The following COL5A1 variants were observed in gnomAD, a reference collection of about 807,000 sequenced individuals.
COL5A1 encodes the protein collagen type V alpha 1 chain, also known as collagen alpha-1(V) chain.
Under a neutral mutation model 263.7 loss-of-function variants are expected in COL5A1, and 16 were observed. That is an observed-to-expected ratio of 0.06 (90% CI 0.04 to 0.09). The LOEUF (loss-of-function observed/expected upper bound fraction) is 0.09. Ranked by LOEUF, COL5A1 falls within the 10% of genes least tolerant of loss-of-function variation. COL5A1 has a pLI of 1.00. For missense variants in COL5A1, 2,036 were observed against 2,540.5 expected, an observed-to-expected ratio of 0.80 and a Z score of 4.27; for synonymous variants, 1,012 against 1,004.5, an observed-to-expected ratio of 1.01 and a Z score of -0.14.
chr9:134,732,842 T>C (rs1398085382), intron 9 of COL5A1, among the ~76,000 whole-genome samples: 1 of 152,174 alleles, frequency 6.6e-6, no homozygotes, highest in African/African-American at 2.4e-5. Flanking sequence ...CCTTGTCCCA[T>C]AGGGGGCCAT....
At chr9:134,708,576 G>A (rs546908379) in intron 4 of COL5A1, 9 of 518,610 alleles carry the variant, frequency 1.7e-5, no homozygotes, top group Admixed American at 1.4e-4. Context: ...CACCTGTGTG[G>A]CAGCCCAGAC....
At chr9:134,808,593 A>G (rs561739197) in intron 42 of COL5A1, among the ~76,000 whole-genome samples, 1 of 151,104 alleles carries the variant, frequency 6.6e-6, no homozygotes, top group South Asian at 2.1e-4. Context: ...GCATATTCAC[A>G]CGTGTGCACA....
chr9:134,714,019 CAA>C (rs756162069), intron 4 of COL5A1, among the ~76,000 whole-genome samples: 2 of 152,218 alleles, frequency 1.3e-5, no homozygotes, highest in Non-Finnish European at 2.9e-5. Flanking sequence ...ACCTCCCAGG[CAA>C]AGTCTGTTGC....
intron 11 of COL5A1, among the ~76,000 whole-genome samples, chr9:134,744,778 T>C (rs1462683027): frequency 2.0e-5 from 3 of 147,616 alleles, no homozygotes; most frequent in South Asian, 2.2e-4. Flanking sequence ...CACTCATACA[T>C]GCACACACAT....
At chr9:134,722,284 T>C (rs1834491828) in intron 4 of COL5A1, among the ~76,000 whole-genome samples, 1 of 152,170 alleles carries the variant, frequency 6.6e-6, no homozygotes, top group Non-Finnish European at 1.5e-5. Flanking sequence ...GAGGGCCAGG[T>C]CAGCCTGGGA....
At chr9:134,782,767 C>A in intron 29 of COL5A1, 47 bp downstream of exon 29, 55 of 1,234,500 alleles carry the variant, frequency 4.5e-5, no homozygotes, top group Non-Finnish European at 6.3e-5. Context: ...GCTGGGTGGG[C>A]TTGGCCGTGT....
intron 4 of COL5A1, among the ~76,000 whole-genome samples, chr9:134,713,065 T>G (rs1322461970): frequency 6.6e-6 from 1 of 152,246 alleles, no homozygotes; most frequent in Non-Finnish European, 1.5e-5. Flanking sequence ...TCCATGCCTC[T>G]GGGAGGCTGT....
At chr9:134,828,082 T>C (rs1270344351) in intron 63 of COL5A1, among the ~76,000 whole-genome samples, 1 of 152,178 alleles carries the variant, frequency 6.6e-6, no homozygotes, top group Non-Finnish European at 1.5e-5. Context: ...CAGTCCAGGC[T>C]GGGGACAGGC....
chr9:134,769,910 A>C (rs531722141), intron 25 of COL5A1, among the ~76,000 whole-genome samples: 100 of 152,258 alleles, frequency 6.6e-4, no homozygotes, highest in African/African-American at 2.4e-3. Context: ...CAGCTGACCT[A>C]ACTTGTTCTC....
intron 18 of COL5A1, among the ~76,000 whole-genome samples, chr9:134,760,052 A>ACCCACCCACACACTCATACATG (rs1836260517): frequency 9.3e-6 from 1 of 107,552 alleles, no homozygotes; most frequent in African/African-American, 3.5e-5. Context: ...ATACACACCC[A>ACCCACCCACACACTCATACATG]CACACCCCCA....
At chr9:134,660,527 T>C (rs1030755058) in intron 1 of COL5A1, among the ~76,000 whole-genome samples, 7 of 152,196 alleles carry the variant, frequency 4.6e-5, no homozygotes, top group Non-Finnish European at 8.8e-5. Context: ...AAAGCCCTAG[T>C]TCATGCTCAT....
At chr9:134,819,142 G>A (rs1236477335) in intron 57 of COL5A1, 89 bp downstream of exon 57, 19 of 1,380,048 alleles carry the variant, frequency 1.4e-5, no homozygotes, top group South Asian at 3.5e-5. Flanking sequence ...CTCTTGATCC[G>A]TCACCTAAAT....
chr9:134,649,614 A>G (rs1831600040), intron 1 of COL5A1: 1 of 439,886 alleles, frequency 2.3e-6, no homozygotes, highest in South Asian at 1.7e-5. Flanking sequence ...AATGACATAA[A>G]AACAGTGTGG....
At position 134,803,147 on chromosome 9, in the gene COL5A1, C is replaced by T. The variant is rs953531116; in HGVS notation, c.3114+152C>T. ...CACTCCCCAGACCGCACGTTTTGCT[C>T]ACTTTTCCTTGATTCACTCCAGGAG... On this transcript the variant is annotated intron_variant, in intron 39 of 65. Transcript: ENST00000371817. 10 of 747,488 alleles carry T rather than the reference C, an allele frequency of 1.3e-5. No homozygotes were observed. The African/African-American group carries it at 1.7e-4, about 13-fold the overall frequency. 46.3% of individuals were successfully genotyped at this position (747,488 alleles called of 1,614,324 possible). A position where few individuals can be genotyped will look rare whatever the true frequency, so the allele number is the denominator to read the frequency against.
intron 1 of COL5A1, among the ~76,000 whole-genome samples, chr9:134,667,625 A>G (rs1222902441): frequency 6.6e-6 from 1 of 152,108 alleles, no homozygotes; most frequent in African/African-American, 2.4e-5. Flanking sequence ...ATCTCTTTCC[A>G]CATCACAGGT....
chr9:134,720,049 C>T lies in COL5A1; in HGVS notation c.655-7217C>T, dbSNP rs1477396200. ...GAGGTTCTTGGGGTCAAAGTCCACC[C>T]GTCTGAGAGGGCAGCTGCAGCTAAG... On this transcript the variant is annotated intron_variant, in intron 4 of 65. Transcript: ENST00000371817. 2.6e-5 allele frequency among the ~76,000 whole-genome samples: 4 copies of T among 152,074 alleles called. No homozygotes were observed. In the East Asian group the frequency reaches 5.8e-4, roughly 22 times the overall value.
At chr9:134,726,329 T>C (rs1834648350) in intron 4 of COL5A1, among the ~76,000 whole-genome samples, 1 of 151,344 alleles carries the variant, frequency 6.6e-6, no homozygotes, top group Non-Finnish European at 1.5e-5. Flanking sequence ...GAAGGATGAG[T>C]AGAGGGACGG....
In COL5A1 at chr9:134,774,847, G is replaced by C. The variant is rs2132747845; in HGVS notation, c.2332-12G>C. ...GGCATGGGGCTAACGGTCTTTTTCT[G>C]TTTGGTTTTAGGGTCCACCTGGCCC... On this transcript the variant is annotated splice_polypyrimidine_tract_variant and intron_variant, in intron 26 of 65. Transcript: ENST00000371817. 1 of 1,613,316 alleles carries C rather than the reference G, an allele frequency of 6.2e-7. No homozygotes were observed. Among genetic ancestry groups the C allele is most frequent in the Non-Finnish European group, 8.5e-7 (1 of 1,179,702 alleles).
Position 134,795,287 on chromosome 9 carries a change from G to A in COL5A1, c.2771G>A (p.Arg924Gln), listed in dbSNP as rs768711320. ...GGTCCGAGGGGTGAAAGAGGCCCCC[G>A]GGGCATCACTGGGAAGCCTGGCCCC... The part of the protein sequence containing the change: ...PTGPRGERGP[R>Q]GITGKPGPKG... Residue 924 changes from arginine to glutamine, a missense_variant, in exon 34 of 66, where the codon CGG becomes CAG. This residue lies in a region of COL5A1 where 1,078 missense variants were observed against 1,521.4 expected (regional missense o/e 0.71). Transcript: ENST00000371817. 8 of 1,613,708 alleles carry A rather than the reference G, an allele frequency of 5.0e-6. No homozygotes were observed. The highest frequency in any genetic ancestry group is 2.2e-5 in the East Asian group (1 of 44,878).
Sources: gnomAD v4.1 joint callset for allele counts (sites outside exome capture counted in the v4.1 genomes callset) on GRCh38, gnomAD v4.1.1 for gene constraint, gnomAD v4.1.1 regional missense constraint, MANE v1.5 for transcripts, NCBI Gene and HGNC (gene_info 2026-07-23, HGNC 2026-07-21) for gene names.